Variants in TNS1 observed in about 807,000 individuals in gnomAD.
The protein encoded by TNS1 is tensin 1.
Under a neutral mutation model 168.6 loss-of-function variants are expected in TNS1, and 62 were observed. The observed-to-expected ratio is 0.37, with a 90% CI of 0.30 to 0.45. The LOEUF (loss-of-function observed/expected upper bound fraction) is 0.45. TNS1 is among the 20% of genes least tolerant of loss of function. TNS1 has a pLI of 1.00. For synonymous variants in TNS1, 934 were observed against 933.2 expected (o/e 1.00, Z -0.02); for missense variants, 2,240 against 2,339.4 (o/e 0.96, Z 0.88).
rs1958904439 is a variant in TNS1, at chr2:218,032,192, C to A, written c.156+1628G>T. Reference sequence around the variant, plus strand: ...GCCCACAGCTGCAGGCACTGACAACCCAGAGCTGGACTTGGAGGCTTAAGA... The same window carrying A: ...GCCCACAGCTGCAGGCACTGACAACACAGAGCTGGACTTGGAGGCTTAAGA... On this transcript the variant is annotated intron_variant, in intron 1 of 1. Transcript: ENST00000649572. The surrounding 1 kb of genome is among the most constrained non-coding windows in gnomAD (Gnocchi z 4.0). 6.6e-6 allele frequency among the ~76,000 whole-genome samples: 1 copy of A among 152,176 alleles called. No homozygotes were observed. Among genetic ancestry groups the A allele is most frequent in the African/African-American group, 2.4e-5 (1 of 41,438 alleles).
At chr2:218,008,320 C>T (rs1312910291) in intron 1 of TNS1, among the ~76,000 whole-genome samples, 3 of 152,212 alleles carry the variant, frequency 2.0e-5, no homozygotes, top group Admixed American at 6.5e-5. Flanking sequence ...GACCCCCAGT[C>T]GCCAGCTCAA....
intron 22 of TNS1, among the ~76,000 whole-genome samples, chr2:217,824,818 C>T (rs189293504): frequency 6.6e-6 from 1 of 152,260 alleles, no homozygotes; most frequent in African/African-American, 2.4e-5. Flanking sequence ...CACCCAGGTC[C>T]CCACGGCTCT....
rs111559696 is a variant in TNS1, at chr2:217,806,296, G to A, written c.5376-1693C>T. Among the ~76,000 whole-genome samples the A allele has an allele frequency of 6.7e-3, 1,021 of 152,358 alleles. 12 individuals carry two copies. Among genetic ancestry groups the A allele is most frequent in the African/African-American group, 0.023 (966 of 41,588 alleles). The stretch of plus-strand genomic sequence containing the variant: ...TCAGCCCGCAAGGGCAGGAGGAAGC[G>A]CTTGCAAGATCCCAAGATCTAACAT... On this transcript the variant is annotated intron_variant, in intron 32 of 32. Coordinates refer to ENST00000682258, the MANE Select transcript of TNS1 (RefSeq NM_001387777.1).
In TNS1 at chr2:217,992,669, G is replaced by A. The variant is rs143828414; in HGVS notation, c.34-1613C>T. 34 of 152,500 alleles carry A rather than the reference G, an allele frequency of 2.2e-4. 1 individual carries two copies. In the Middle Eastern group the frequency reaches 9.9e-3, roughly 45 times the overall value. The allele number at this position is 152,500 out of a possible 1,614,324, so 9.4% of individuals were successfully genotyped here. On this transcript the variant is annotated intron_variant, in intron 1 of 32. Coordinates refer to ENST00000682258, the MANE Select transcript of TNS1 (RefSeq NM_001387777.1). Reference sequence around the variant, plus strand: ...GACAGAGAGAAAGAGAAAAGGACAGGGGAGAGAGAGGGGTGCGGGAAGCAG... The same window carrying A: ...GACAGAGAGAAAGAGAAAAGGACAGAGGAGAGAGAGGGGTGCGGGAAGCAG...
At position 217,827,882 on chromosome 2, in the gene TNS1, A is replaced by G. The variant is rs532574125; in HGVS notation, c.3373+3573T>C. ...AGGCCCACGCCCCTGAAGTCACCCCAAAGTGAGAGACACAATCACCAGGCT... is the reference window on the plus strand; with the variant it reads ...AGGCCCACGCCCCTGAAGTCACCCCGAAGTGAGAGACACAATCACCAGGCT... On this transcript the variant is annotated intron_variant, in intron 22 of 32. Transcript: ENST00000682258. 7.9e-5 allele frequency among the ~76,000 whole-genome samples: 12 copies of G among 152,322 alleles called. No homozygotes were observed. The South Asian group carries it at 2.5e-3, about 32-fold the overall frequency.
At chr2:217,960,915 G>C (rs1024631688) in intron 3 of TNS1, among the ~76,000 whole-genome samples, 3 of 152,110 alleles carry the variant, frequency 2.0e-5, no homozygotes, top group Admixed American at 2.0e-4. Context: ...GAACCACTCT[G>C]AGCCTCAGTT....
chr2:218,020,563 T>C (rs1958798709), intron 1 of TNS1, among the ~76,000 whole-genome samples: 2 of 149,308 alleles, frequency 1.3e-5, no homozygotes, highest in Admixed American at 6.8e-5. Context: ...AGGCTGAGGA[T>C]TGGTGGCTCA....
At chr2:217,864,388 A>T (rs1431067843) in intron 18 of TNS1, among the ~76,000 whole-genome samples, 1 of 152,202 alleles carries the variant, frequency 6.6e-6, no homozygotes, top group Non-Finnish European at 1.5e-5. Context: ...CTGCCTTTCA[A>T]AGTGGATATT....
intron 9 of TNS1, among the ~76,000 whole-genome samples, chr2:217,894,663 AC>A (rs1952087051): frequency 1.3e-5 from 2 of 152,232 alleles, no homozygotes; most frequent in Non-Finnish European, 1.5e-5. Flanking sequence ...TCTCAAAAAA[AC>A]AAACAAACAA....
chr2:217,967,965 G>C (rs1957688336), intron 3 of TNS1, among the ~76,000 whole-genome samples: 1 of 152,124 alleles, frequency 6.6e-6, no homozygotes, highest in African/African-American at 2.4e-5. Context: ...GACCAAATGG[G>C]ACTTATCCCA....
chr2:218,008,644 G>T (rs1004330340), intron 1 of TNS1, among the ~76,000 whole-genome samples: 3 of 152,256 alleles, frequency 2.0e-5, no homozygotes, highest in African/African-American at 7.2e-5. Flanking sequence ...AACTGGAACA[G>T]AAGCCTGCTG....
At position 217,847,649 on chromosome 2, in the gene TNS1, C is replaced by A. The variant is rs201336789; in HGVS notation, c.2868G>T (p.Gly956=). 1.9e-6 allele frequency: 3 copies of A among 1,588,974 alleles called. No homozygotes were observed. The East Asian group carries it at 6.8e-5, about 36-fold the overall frequency. The change falls in exon 19 of 33, where the codon GGG becomes GGT. Residue 956 remains glycine (G), a synonymous_variant. Coordinates refer to ENST00000682258, the MANE Select transcript of TNS1 (RefSeq NM_001387777.1). ...GGAGAGAGGCTGGGGGTTGCTGAGG[C>A]CCTGGAGGGCTGTGGGTGGTCGGAA... is the stretch of plus-strand genomic sequence containing the variant. ...AFLPTTHSPP[G]PQQPPASLPG... is the part of the protein sequence containing the mutation.
At chr2:217,951,840 G>T (rs1041618482) in intron 3 of TNS1, among the ~76,000 whole-genome samples, 2 of 152,216 alleles carry the variant, frequency 1.3e-5, no homozygotes, top group Non-Finnish European at 2.9e-5. Flanking sequence ...ACGTCCCCAG[G>T]TTTTTCAGTT....
chr2:217,914,749 G>A (rs570677363), intron 4 of TNS1, among the ~76,000 whole-genome samples: 2 of 152,340 alleles, frequency 1.3e-5, no homozygotes, highest in South Asian at 2.1e-4. Flanking sequence ...ATCCCAAAGT[G>A]CTGGGATTAT....
At position 217,821,905 on chromosome 2, in the gene TNS1, G is replaced by A. The variant is rs980170611; in HGVS notation, c.3407C>T (p.Thr1136Ile). 4 of 1,589,006 alleles carry A rather than the reference G, an allele frequency of 2.5e-6. No individual in the cohort carries two copies. Among genetic ancestry groups the A allele is most frequent in the Non-Finnish European group, 2.6e-6 (3 of 1,168,652 alleles). Reference sequence around the variant, plus strand: ...CTGAGCTCGGGGTCCAGCCACCGCTGTCCGTGCCACAGACTCCACATAGCT... The same window carrying A: ...CTGAGCTCGGGGTCCAGCCACCGCTATCCGTGCCACAGACTCCACATAGCT... ...PRSYVESVAR[T>I]AVAGPRAQDS... is the part of the protein sequence containing the mutation. The change falls in exon 23 of 33, where the codon ACA (threonine) becomes ATA (isoleucine). Residue 1136 changes from threonine (T) to isoleucine (I), a missense_variant. Physicochemically the swap from Thr to Ile is moderately conservative, Grantham distance 89 (BLOSUM62 -1). This residue lies in a region of TNS1 where 2,131 missense variants were observed against 2,171.2 expected (regional missense o/e 0.98). Coordinates refer to ENST00000682258, the MANE Select transcript of TNS1 (RefSeq NM_001387777.1).
intron 3 of TNS1, among the ~76,000 whole-genome samples, chr2:217,967,094 C>A (rs138086185): frequency 2.0e-5 from 3 of 152,026 alleles, no homozygotes; most frequent in Admixed American, 2.0e-4. Flanking sequence ...CTGAGGTGGG[C>A]GGATCACGAG....
At chr2:217,808,499 A>G in intron 31 of TNS1, 104 bp downstream of exon 31, 1 of 1,075,966 alleles carries the variant, frequency 9.3e-7, no homozygotes. Context: ...TGGAGAATGT[A>G]TGCACATGCA....
intron 2 of TNS1, among the ~76,000 whole-genome samples, chr2:217,990,127 C>CATCATCCACACGCCATCCACAT (rs1958322315): frequency 7.0e-6 from 1 of 142,794 alleles, no homozygotes; most frequent in Non-Finnish European, 1.6e-5. Context: ...GCCATCCACA[C>CATCATCCACACGCCATCCACAT]ACCAGCCACA....
At chr2:217,889,030 A>T (rs1951495526) in intron 12 of TNS1, among the ~76,000 whole-genome samples, 1 of 152,202 alleles carries the variant, frequency 6.6e-6, no homozygotes, top group Non-Finnish European at 1.5e-5. Flanking sequence ...TCAAGGTCAA[A>T]GGCCACACCG....
Sources: allele counts gnomAD v4.1 joint callset (sites outside exome capture counted in the v4.1 genomes callset), GRCh38; gene constraint gnomAD v4.1.1; regional missense constraint gnomAD v4.1.1; non-coding constraint Gnocchi (gnomAD v3.1); transcripts MANE v1.5; gene names NCBI Gene and HGNC (gene_info 2026-07-23, HGNC 2026-07-21).